Variants in PCM1 observed in about 807,000 individuals in gnomAD.
The protein encoded by PCM1 is pericentriolar material 1 protein.
A neutral mutation model predicts 241.9 loss-of-function variants in PCM1; 157 were observed. That is an observed-to-expected ratio of 0.65 (90% CI 0.57 to 0.74). PCM1 has a LOEUF of 0.74. Ranked by LOEUF, PCM1 falls within the 30% of genes least tolerant of loss-of-function variation. The probability of loss-of-function intolerance (pLI) is 0.00; values close to 1 mark genes in which losing one functional copy is unlikely to be tolerated. For synonymous variants in PCM1, 1,085 were observed against 784.9 expected, an observed-to-expected ratio of 1.38 and a Z score of -6.39; for missense variants, 3,478 against 2,360.1, an observed-to-expected ratio of 1.47 and a Z score of -9.81.
Position 17,937,112 on chromosome 8 carries a change from T to A in PCM1, c.97-22T>A, listed in dbSNP as rs1229458347. Reference sequence around the variant, plus strand: ...CTGGTTTGATACAGGCCATGTTAATTTTTGCTTTTACTTTTTTAAAGGATT... The same window carrying A: ...CTGGTTTGATACAGGCCATGTTAATATTTGCTTTTACTTTTTTAAAGGATT... On this transcript the variant is annotated intron_variant, in intron 3 of 38. Transcript: ENST00000325083. The A allele has an allele frequency of 3.3e-6, 5 of 1,528,294 alleles. No individual in the cohort carries two copies. In the African/African-American group the frequency reaches 7.0e-5, roughly 21 times the overall value. 94.7% of individuals were successfully genotyped at this position (1,528,294 alleles called of 1,614,324 possible).
rs747442752 is a variant in PCM1, at chr8:18,014,050, A to C, written c.5584+14A>C. 1.3e-5 allele frequency: 19 copies of C among 1,460,902 alleles called. No individual in the cohort carries two copies. The highest frequency in any genetic ancestry group is 1.8e-5 in the Non-Finnish European group (19 of 1,061,226). 90.5% of individuals were successfully genotyped at this position (1,460,902 alleles called of 1,614,324 possible). On this transcript the variant is annotated intron_variant, in intron 35 of 38. Coordinates refer to ENST00000325083, the MANE Select transcript of PCM1 (RefSeq NM_006197.4). ...CCACTAGTAAAAGTAAGAAATCTAA[A>C]TAAGTCTTTGATTTTAAGATAATTT...
chr8:18,018,586 G>A (rs1028648428), intron 36 of PCM1, among the ~76,000 whole-genome samples: 9 of 151,936 alleles, frequency 5.9e-5, no homozygotes, highest in African/African-American at 2.2e-4. Flanking sequence ...GCCGAGGCGG[G>A]CGGATCAGGA....
At chr8:18,025,851 A>T (rs1420697722) in intron 38 of PCM1, among the ~76,000 whole-genome samples, 193 bp downstream of exon 38, 2 of 152,122 alleles carry the variant, frequency 1.3e-5, no homozygotes, top group East Asian at 3.9e-4. Flanking sequence ...TTTTCTATTC[A>T]CATCTTTAGT....
chr8:18,001,063 G>C (rs956603650), intron 29 of PCM1, among the ~76,000 whole-genome samples: 1 of 152,212 alleles, frequency 6.6e-6, no homozygotes, highest in Non-Finnish European at 1.5e-5. Context: ...CAGGGCATTT[G>C]ATTTGAGAAT....
At chr8:17,985,086 A>T (rs1003930618) in intron 24 of PCM1, among the ~76,000 whole-genome samples, 24 of 151,906 alleles carry the variant, frequency 1.6e-4, no homozygotes, top group African/African-American at 5.8e-4. Flanking sequence ...GCAAAAGCAA[A>T]AAAGAAATTA....
At position 17,993,437 on chromosome 8, in the gene PCM1, T is replaced by C. The variant is rs2085493279; in HGVS notation, c.4691-46T>C. ...TTCAACATAAAGGCATATATGTATA[T>C]ATAATAGGCTTTGTTAGGCTAATGT... On this transcript the variant is annotated intron_variant, in intron 28 of 38. Coordinates refer to ENST00000325083, the MANE Select transcript of PCM1 (RefSeq NM_006197.4). 2.9e-6 allele frequency: 4 copies of C among 1,364,846 alleles called. No individual in the cohort carries two copies. In the East Asian group the frequency reaches 7.6e-5, roughly 26 times the overall value. 84.5% of individuals were successfully genotyped at this position (1,364,846 alleles called of 1,614,324 possible).
intron 30 of PCM1, among the ~76,000 whole-genome samples, chr8:18,007,804 C>T (rs1006944104): frequency 4.6e-5 from 7 of 152,040 alleles, no homozygotes; most frequent in South Asian, 2.1e-4. Flanking sequence ...AGCATATGTA[C>T]GTTTTTACCA....
At chr8:17,927,065 T>A (rs2057266340) in intron 2 of PCM1, 1 of 151,992 alleles carries the variant, frequency 6.6e-6, no homozygotes, top group Admixed American at 6.5e-5. Context: ...CAGAGGTGAT[T>A]ATGAGTAATT....
Position 18,013,788 on chromosome 8 carries a change from A to G in PCM1, c.5512-176A>G, listed in dbSNP as rs569955058. 39 of 556,156 alleles carry G rather than the reference A, an allele frequency of 7.0e-5. No homozygotes were observed. In the South Asian group the frequency reaches 1.0e-3, roughly 15 times the overall value. The allele number at this position is 556,156 out of a possible 1,614,324, so 34.5% of individuals were successfully genotyped here. ...TTTAAGGCAACAAGGAAACCCTTTA[A>G]CTTAGCCATCTTGAAATCACAACCA... On this transcript the variant is annotated intron_variant, in intron 34 of 38. Transcript: ENST00000325083.
At chr8:17,977,572 T>C (rs2079198360) in intron 23 of PCM1, among the ~76,000 whole-genome samples, 1 of 152,194 alleles carries the variant, frequency 6.6e-6, no homozygotes. Flanking sequence ...TGGAGAAAGC[T>C]ATGTTGGAGG....
At position 17,963,214 on chromosome 8, in the gene PCM1, T is replaced by A; in HGVS notation, c.2577T>A (p.Thr859=). The stretch of plus-strand genomic sequence containing the variant: ...AGAGGAGGCAAGGTCTAGCTGAAAC[T>A]GCATCTCCAGTGGCTGTGTCATTGA... The part of the protein sequence containing the change: ...EHQRRQGLAE[T]ASPVAVSLRS... The change falls in exon 17 of 39, where the codon ACT becomes ACA. Residue 859 remains threonine, a synonymous_variant. Transcript: ENST00000325083. The A allele has an allele frequency of 1.2e-6, 2 of 1,613,614 alleles. No homozygotes were observed. The highest frequency in any genetic ancestry group is 1.7e-6 in the Non-Finnish European group (2 of 1,179,698).
chr8:17,953,535 C>G (rs1215275252), intron 9 of PCM1, among the ~76,000 whole-genome samples: 1 of 151,892 alleles, frequency 6.6e-6, no homozygotes, highest in African/African-American at 2.4e-5. Flanking sequence ...AAAAGTTAAT[C>G]CAGTTAGTAC....
chr8:17,956,852 C>A (rs530265953), intron 11 of PCM1, 75 bp downstream of exon 11: 3 of 1,178,684 alleles, frequency 2.5e-6, no homozygotes, highest in Non-Finnish European at 3.7e-6. Context: ...AACAAAAATA[C>A]TTCGTTGTAG....
intron 36 of PCM1, among the ~76,000 whole-genome samples, chr8:18,018,230 C>T (rs958067050): frequency 1.3e-5 from 2 of 152,180 alleles, no homozygotes; most frequent in South Asian, 2.1e-4. Flanking sequence ...TTTAGAGCTT[C>T]CTGACCCTTC....
intron 23 of PCM1, among the ~76,000 whole-genome samples, chr8:17,975,931 G>C (rs1359819882): frequency 1.3e-5 from 2 of 152,064 alleles, no homozygotes; most frequent in Non-Finnish European, 2.9e-5. Flanking sequence ...GAGTTTTTCT[G>C]TTATCAGACC....
chr8:17,956,469 C>A (rs371159905), intron 10 of PCM1, 135 bp from the exon 11 acceptor site: 1 of 618,388 alleles, frequency 1.6e-6, no homozygotes, highest in Non-Finnish European at 2.8e-6. Context: ...AGTCATACCC[C>A]CTGGAGAGTT....
chr8:17,959,577 C>CTAGAACAATTAGTTTTG (rs1205001491), intron 13 of PCM1, among the ~76,000 whole-genome samples: 1 of 151,968 alleles, frequency 6.6e-6, no homozygotes, highest in African/African-American at 2.4e-5. Context: ...TAATTGGTCT[C>CTAGAACAATTAGTTTTG]TAGAGAGCAA....
At chr8:17,966,951 T>A in intron 20 of PCM1, 29 bp from the exon 21 acceptor site, 2 of 1,560,396 alleles carry the variant, frequency 1.3e-6, no homozygotes, top group Non-Finnish European at 1.7e-6. Flanking sequence ...TATAACTGAT[T>A]CTTAGATTAC....
At chr8:17,959,883 A>T (rs184177725) in intron 13 of PCM1, 131 bp from the exon 14 acceptor site, 3 of 775,142 alleles carry the variant, frequency 3.9e-6, no homozygotes, top group Non-Finnish European at 6.2e-6. Flanking sequence ...GTACACATGT[A>T]TACAAACGTG....
Sources: allele counts gnomAD v4.1 joint callset (sites outside exome capture counted in the v4.1 genomes callset), GRCh38; gene constraint gnomAD v4.1.1; transcripts MANE v1.5; gene names NCBI Gene and HGNC (gene_info 2026-07-23, HGNC 2026-07-21).